Variants in SCNN1B observed in about 807,000 individuals in gnomAD.
SCNN1B encodes sodium channel epithelial 1 subunit beta.
Under a neutral mutation model 65.3 loss-of-function variants are expected in SCNN1B, and 46 were observed. The observed-to-expected ratio is 0.70, with a 90% CI of 0.56 to 0.90. The LOEUF (loss-of-function observed/expected upper bound fraction) is 0.90, where lower values mean the gene tolerates loss of function less well. Among genes scored for constraint, SCNN1B ranks in the 40% least tolerant of loss-of-function variants. The pLI, the probability that SCNN1B is intolerant of heterozygous loss-of-function variation, is 0.00. For missense variants in SCNN1B, 751 were observed against 830.5 expected (o/e 0.90, Z 1.18); for synonymous variants, 349 against 330.6 (o/e 1.06, Z -0.60).
intron 5 of SCNN1B, among the ~76,000 whole-genome samples, chr16:23,368,542 C>T (rs950630187): frequency 6.6e-6 from 1 of 152,108 alleles, no homozygotes; most frequent in Non-Finnish European, 1.5e-5. Context: ...TTCCTGAGCT[C>T]CAGAGCAACC....
intron 11 of SCNN1B, among the ~76,000 whole-genome samples, chr16:23,379,073 C>T (rs763262750): frequency 3.4e-5 from 5 of 148,340 alleles, no homozygotes; most frequent in Non-Finnish European, 7.4e-5. Flanking sequence ...CTCCATTCTC[C>T]CACCCAGCCA....
chr16:23,284,855 G>A (rs530066908), intron 2 of SCNN1B, among the ~76,000 whole-genome samples: 1 of 152,240 alleles, frequency 6.6e-6, no homozygotes, highest in East Asian at 1.9e-4. Context: ...TTTCAAGTTC[G>A]ATCTGCTACT....
intron 1 of SCNN1B, among the ~76,000 whole-genome samples, chr16:23,279,377 G>T (rs1960753072): frequency 6.6e-6 from 1 of 152,186 alleles, no homozygotes; most frequent in African/African-American, 2.4e-5. Context: ...ACCACGCCCA[G>T]CCGTGGTCTG....
rs139140681 is a variant in SCNN1B at position 23,357,160 on chromosome 16, A to G, written c.776+1671A>G. Among the ~76,000 whole-genome samples the G allele has an allele frequency of 1.0e-3, 153 of 152,328 alleles. 1 individual carries two copies. Among genetic ancestry groups the G allele is most frequent in the African/African-American group, 3.5e-3 (145 of 41,574 alleles). ...GAGCTTTTAGCTGAATCTTAATGCT[A>G]TGGGCACGTGACAGGCTTCCAAGCT... On this transcript the variant is annotated intron_variant, in intron 4 of 12. Transcript: ENST00000343070.
At chr16:23,369,991 C>T (rs1044045993) in intron 5 of SCNN1B, among the ~76,000 whole-genome samples, 15 of 152,138 alleles carry the variant, frequency 9.9e-5, no homozygotes, top group African/African-American at 2.4e-5. Flanking sequence ...AGTGCAGTGG[C>T]GCAATCTTGG....
intron 2 of SCNN1B, chr16:23,283,916 G>A (rs1428079635): frequency 6.6e-6 from 1 of 152,192 alleles, no homozygotes; most frequent in East Asian, 1.9e-4. Context: ...GAGCTTCCCA[G>A]TGAGAAGCTA....
At chr16:23,284,839 C>T (rs1337842617) in intron 2 of SCNN1B, among the ~76,000 whole-genome samples, 1 of 152,172 alleles carries the variant, frequency 6.6e-6, no homozygotes, top group African/African-American at 2.4e-5. Context: ...AATAGAAAAT[C>T]CTGATTTTCA....
intron 4 of SCNN1B, among the ~76,000 whole-genome samples, chr16:23,362,456 A>G (rs1043146883): frequency 6.6e-6 from 1 of 152,182 alleles, no homozygotes; most frequent in Non-Finnish European, 1.5e-5. Context: ...TCTGCCCTGG[A>G]AAGTCTTTCC....
chr16:23,372,577 C>T (rs958149401), intron 7 of SCNN1B, among the ~76,000 whole-genome samples: 2 of 151,348 alleles, frequency 1.3e-5, no homozygotes, highest in Non-Finnish European at 2.9e-5. Flanking sequence ...TCACTGCAAC[C>T]TCCGCCTCCC....
At chr16:23,376,640 T>A (rs1356450255) in intron 8 of SCNN1B, among the ~76,000 whole-genome samples, 1 of 150,426 alleles carries the variant, frequency 6.6e-6, no homozygotes, top group Admixed American at 6.6e-5. Context: ...CAGGGTGCAG[T>A]GGCTCGTGCC....
At chr16:23,341,601 A>G (rs1263163426) in intron 1 of SCNN1B, among the ~76,000 whole-genome samples, 1 of 152,230 alleles carries the variant, frequency 6.6e-6, no homozygotes, top group Non-Finnish European at 1.5e-5. Context: ...AACTCTTGCA[A>G]CTCAGTAATA....
intron 2 of SCNN1B, among the ~76,000 whole-genome samples, chr16:23,290,098 C>T (rs1211583690): frequency 6.6e-6 from 1 of 151,950 alleles, no homozygotes; most frequent in Non-Finnish European, 1.5e-5. Flanking sequence ...TAGAAATCTG[C>T]ACGTCTCCGT....
chr16:23,281,983 G>A (rs894769768), intron 1 of SCNN1B, among the ~76,000 whole-genome samples: 1 of 152,136 alleles, frequency 6.6e-6, no homozygotes, highest in African/African-American at 2.4e-5. Context: ...CTTGAGCCCA[G>A]GAGTTCGAGA....
At position 23,286,833 on chromosome 16, in the gene SCNN1B, T is replaced by C. The variant is rs573475130; in HGVS notation, n.178+3029T>C. ...AGCCTGATTACAAGTGGCTCACACA[T>C]GTAATCCCAGCACTTTGGGAGGCTG... On this transcript the variant is annotated intron_variant and non_coding_transcript_variant, in intron 2 of 3. Transcript: ENST00000569789. Among the ~76,000 whole-genome samples the C allele has an allele frequency of 1.2e-3, 184 of 152,258 alleles. 1 individual carries two copies. The highest frequency in any genetic ancestry group is 4.3e-3 in the African/African-American group (178 of 41,522).
intron 4 of SCNN1B, among the ~76,000 whole-genome samples, chr16:23,362,525 A>G (rs1962574035): frequency 6.6e-6 from 1 of 152,092 alleles, no homozygotes; most frequent in African/African-American, 2.4e-5. Flanking sequence ...TCTATTTCCC[A>G]GTCTTTTCTG....
chr16:23,333,087 A>T, intron 1 of SCNN1B, among the ~76,000 whole-genome samples: 1 of 139,468 alleles, frequency 7.2e-6, no homozygotes, highest in Admixed American at 7.3e-5. Context: ...AAAGAAGAAG[A>T]AGAAAGGGAG....
At chr16:23,300,191 G>A (rs1446378353), upstream of SCNN1B, among the ~76,000 whole-genome samples, 2 of 152,156 alleles carry the variant, frequency 1.3e-5, no homozygotes, top group African/African-American at 4.8e-5. Flanking sequence ...GAGCCTGTCA[G>A]GGGGTGGAGG....
intron 4 of SCNN1B, 140 bp from the exon 5 acceptor site, chr16:23,367,716 G>C: frequency 2.7e-6 from 2 of 753,556 alleles, no homozygotes; most frequent in Non-Finnish European, 2.4e-6. Context: ...GTTTGGACCA[G>C]AGGATGGACA....
chr16:23,381,056 T>C lies in SCNN1B; in HGVS notation c.*255T>C. 1 of 557,850 alleles carries C rather than the reference T, an allele frequency of 1.8e-6. No homozygotes were observed. Among genetic ancestry groups the C allele is most frequent in the Non-Finnish European group, 3.2e-6 (1 of 309,000 alleles). The allele number at this position is 557,850 out of a possible 1,614,324, so 34.6% of individuals were successfully genotyped here. A position where few individuals can be genotyped will look rare whatever the true frequency, so the allele number is the denominator to read the frequency against. On this transcript the variant is annotated 3_prime_UTR_variant, in exon 13 of 13. Transcript: ENST00000343070. Reference sequence around the variant, plus strand: ...TTCCTACCCTCGTCCCTACCTGTCCTGATCCTGGTCCTGAAGACCCCTCGG... The same window carrying C: ...TTCCTACCCTCGTCCCTACCTGTCCCGATCCTGGTCCTGAAGACCCCTCGG...
Sources: allele counts gnomAD v4.1 joint callset (sites outside exome capture counted in the v4.1 genomes callset), GRCh38; gene constraint gnomAD v4.1.1; transcripts MANE v1.5; gene names NCBI Gene and HGNC (gene_info 2026-07-23, HGNC 2026-07-21).